Variants in OPHN1 observed in about 807,000 individuals in gnomAD.
OPHN1 encodes oligophrenin-1.
Under a neutral mutation model 60.7 loss-of-function variants are expected in OPHN1, and 11 were observed. The observed-to-expected ratio is 0.18, with a 90% CI of 0.11 to 0.30. The LOEUF (loss-of-function observed/expected upper bound fraction) is 0.30. OPHN1 is among the 10% of genes least tolerant of loss of function. The pLI, the probability that OPHN1 is intolerant of heterozygous loss-of-function variation, is 1.00. For missense variants in OPHN1, 449 were observed against 611.0 expected, an observed-to-expected ratio of 0.73 and a Z score of 2.80; for synonymous variants, 226 against 222.6, an observed-to-expected ratio of 1.02 and a Z score of -0.14.
intron 2 of OPHN1, among the ~76,000 whole-genome samples, chrX:68,362,230 A>T (rs184318344): frequency 1.8e-4 from 20 of 111,985 alleles, no homozygotes; most frequent in African/African-American, 6.2e-4. Context: ...CAACACAGGG[A>T]TGAACATGGA....
rs750353562 is a variant in OPHN1, at chrX:68,339,198, T to C, written c.155-40102A>G. Reference sequence around the variant, plus strand: ...ATTTCACCAGATGTAGATTAAGTAATTGACAAAGTCCAAAATCTTTCTTTA... The same window carrying C: ...ATTTCACCAGATGTAGATTAAGTAACTGACAAAGTCCAAAATCTTTCTTTA... On this transcript the variant is annotated intron_variant, in intron 2 of 24. Transcript: ENST00000355520. Among the ~76,000 whole-genome samples the C allele has an allele frequency of 2.4e-3, 259 of 109,002 alleles. 1 individual carries two copies. Among genetic ancestry groups the C allele is most frequent in the Non-Finnish European group, 3.7e-3 (197 of 52,610 alleles). The allele number at this position is 109,002 out of a possible 115,157, so 94.7% of individuals were successfully genotyped here.
At chrX:68,310,954 G>A (rs1433010233) in intron 2 of OPHN1, among the ~76,000 whole-genome samples, 1 of 111,972 alleles carries the variant, frequency 8.9e-6, no homozygotes, top group Admixed American at 9.5e-5. Flanking sequence ...CCAAATAAGG[G>A]AATAAAAGGC....
intron 19 of OPHN1, 55 bp downstream of exon 19, chrX:68,096,815 T>C: frequency 1.7e-6 from 2 of 1,147,502 alleles, no homozygotes; most frequent in Non-Finnish European, 1.2e-6. Context: ...AAAAGGCAGT[T>C]GGGGGAAAGT....
intron 19 of OPHN1, among the ~76,000 whole-genome samples, chrX:68,090,965 G>A (rs1271593757): frequency 9.0e-6 from 1 of 111,337 alleles, no homozygotes; most frequent in Non-Finnish European, 1.9e-5. Context: ...AAAAGCAGAT[G>A]CCCACCCACT....
chrX:68,155,421 CA>C (rs1184421207), intron 15 of OPHN1, among the ~76,000 whole-genome samples: 5 of 111,779 alleles, frequency 4.5e-5, no homozygotes, highest in Non-Finnish European at 7.5e-5. Flanking sequence ...GTGATTGGAT[CA>C]GGGGGCAGTT....
At chrX:68,289,352 T>C (rs2078059947) in intron 3 of OPHN1, among the ~76,000 whole-genome samples, 2 of 111,939 alleles carry the variant, frequency 1.8e-5, no homozygotes, top group Admixed American at 1.9e-4. Context: ...AGCAATATGG[T>C]AGATGTTTCT....
chrX:68,432,828 C>T (rs1167416461), intron 2 of OPHN1, 39 bp downstream of exon 2: 4 of 1,202,991 alleles, frequency 3.3e-6, no homozygotes, highest in Non-Finnish European at 4.5e-6. Flanking sequence ...GCCAGACACA[C>T]CAGCTCAGAG....
chrX:68,354,385 G>A (rs1002750277), intron 2 of OPHN1, among the ~76,000 whole-genome samples: 1 of 93,519 alleles, frequency 1.1e-5, no homozygotes, highest in Non-Finnish European at 2.1e-5. Flanking sequence ...AGGAGGCAGA[G>A]ATTGCAGTGA....
chrX:68,192,883 T>G, intron 15 of OPHN1, 36 bp downstream of exon 15: 1 of 1,033,774 alleles, frequency 9.7e-7, no homozygotes, highest in African/African-American at 1.8e-5. Context: ...ACACATAAAG[T>G]ACTCCCAATA....
At chrX:68,169,961 C>T (rs1311324954) in intron 15 of OPHN1, among the ~76,000 whole-genome samples, 2 of 108,596 alleles carry the variant, frequency 1.8e-5, no homozygotes, top group Non-Finnish European at 3.8e-5. Flanking sequence ...AGCTTCTGCA[C>T]AGCAAAAGAA....
At chrX:68,426,325 C>A (rs990263080) in intron 2 of OPHN1, among the ~76,000 whole-genome samples, 2 of 107,401 alleles carry the variant, frequency 1.9e-5, no homozygotes, top group Non-Finnish European at 3.9e-5. Context: ...CCTGTAATTC[C>A]AGCTACTTGG....
chrX:68,283,854 G>A (rs1371273610), intron 3 of OPHN1, among the ~76,000 whole-genome samples: 2 of 111,527 alleles, frequency 1.8e-5, no homozygotes, highest in African/African-American at 6.5e-5. Context: ...AACTGAACAA[G>A]TCCAGCATTC....
chrX:68,111,792 G>T, intron 18 of OPHN1, 62 bp downstream of exon 18: 1 of 798,233 alleles, frequency 1.3e-6, no homozygotes, highest in Non-Finnish European at 1.9e-6. Context: ...TTTCTGTGTA[G>T]TCCAACCACA....
At chrX:68,129,331 C>T (rs1326576901) in intron 15 of OPHN1, among the ~76,000 whole-genome samples, 3 of 110,976 alleles carry the variant, frequency 2.7e-5, no homozygotes, top group Non-Finnish European at 5.7e-5. Context: ...AGTCAGGTAC[C>T]AAACTGCATG....
chrX:68,101,044 C>T (rs923906963), intron 18 of OPHN1, among the ~76,000 whole-genome samples: 1 of 111,519 alleles, frequency 9.0e-6, no homozygotes, highest in African/African-American at 3.3e-5. Flanking sequence ...CCGTGCCCAG[C>T]GAAATGGTGC....
chrX:68,051,850 A>G (rs2076853091), intron 23 of OPHN1, among the ~76,000 whole-genome samples: 1 of 112,145 alleles, frequency 8.9e-6, no homozygotes, highest in African/African-American at 3.2e-5. Context: ...GAAGAAATGA[A>G]GAGGCAAAGA....
intron 2 of OPHN1, among the ~76,000 whole-genome samples, chrX:68,432,666 A>G (rs1342652381): frequency 9.0e-6 from 1 of 111,480 alleles, no homozygotes; most frequent in African/African-American, 3.3e-5. Flanking sequence ...CAAAACCACT[A>G]AAGGAAAAGG....
intron 21 of OPHN1, among the ~76,000 whole-genome samples, chrX:68,062,690 T>A (rs1220667438): frequency 8.9e-6 from 1 of 112,354 alleles, no homozygotes; most frequent in Non-Finnish European, 1.9e-5. Flanking sequence ...CTTAACCATT[T>A]TTTAAGGTTT....
Position 68,193,920 on chromosome X carries a change from T to A in OPHN1, c.1171A>T (p.Arg391Trp), listed in dbSNP as rs769185816. 1.4e-5 allele frequency: 17 copies of A among 1,207,395 alleles called. No homozygotes were observed. In the East Asian group the frequency reaches 5.0e-4, roughly 36 times the overall value. The part of the protein sequence containing the change: ...ELNEVGFKFV[R>W]KCINIIETKG... The stretch of plus-strand genomic sequence containing the variant: ...GTCTCAATAATATTGATGCACTTCC[T>A]GACAAACTTGAAGCCCACTTCATTT... Residue 391 changes from arginine to tryptophan, a missense_variant, in exon 14 of 25, where the codon AGG becomes TGG. Physicochemically the swap from Arg to Trp is moderately radical, Grantham distance 101 (BLOSUM62 -3). Coordinates refer to ENST00000355520, the MANE Select transcript of OPHN1 (RefSeq NM_002547.3).
Sources: gnomAD v4.1 joint callset for allele counts (sites outside exome capture counted in the v4.1 genomes callset) on GRCh38, gnomAD v4.1.1 for gene constraint, MANE v1.5 for transcripts, NCBI Gene and HGNC (gene_info 2026-07-23, HGNC 2026-07-21) for gene names.